Variants in DARS1 observed in about 807,000 individuals in gnomAD.
DARS1 encodes aspartyl-tRNA synthetase 1, also known as aspartate--tRNA ligase, cytoplasmic.
A neutral mutation model predicts 68.8 loss-of-function variants in DARS1; 51 were observed. The observed-to-expected ratio is 0.74, with a 90% CI of 0.59 to 0.94. The LOEUF is 0.94. Among genes scored for constraint, DARS1 ranks in the 40% least tolerant of loss-of-function variants. The pLI, the probability that DARS1 is intolerant of heterozygous loss-of-function variation, is 0.00. For synonymous variants in DARS1, 203 were observed against 190.4 expected, an observed-to-expected ratio of 1.07 and a Z score of -0.55; for missense variants, 607 against 597.3, an observed-to-expected ratio of 1.02 and a Z score of -0.17.
chr2:135,944,040 A>C (rs1181232341), intron 4 of DARS1, among the ~76,000 whole-genome samples: 1 of 152,066 alleles, frequency 6.6e-6, no homozygotes, highest in Non-Finnish European at 1.5e-5. Context: ...CCCATTTAAA[A>C]GGGTGCCTAT....
rs869183598 is a variant in DARS1, at chr2:135,907,238, C to CTTT, written c.*75_*77dup. ...AGGTTACTGAAAAGAATAAGTGTGG[C>CTTT]TTTCTTTTTTTTTTTTTTTTTTTGA... On this transcript the variant is annotated 3_prime_UTR_variant, in exon 16 of 16. Coordinates refer to ENST00000264161, the MANE Select transcript of DARS1 (RefSeq NM_001349.4). 4.0e-5 allele frequency: 29 copies of CTTT among 725,354 alleles called. 1 individual carries two copies. The highest frequency in any genetic ancestry group is 1.7e-4 in the South Asian group (8 of 47,074). 44.9% of individuals were successfully genotyped at this position (725,354 alleles called of 1,614,324 possible). A position where few individuals can be genotyped will look rare whatever the true frequency, so the allele number is the denominator to read the frequency against.
At chr2:135,979,896 T>G (rs892915292) in intron 2 of DARS1, among the ~76,000 whole-genome samples, 1 of 152,204 alleles carries the variant, frequency 6.6e-6, no homozygotes, top group African/African-American at 2.4e-5. Context: ...AATGCAAGTC[T>G]TTCTCTGGGA....
Position 135,914,511 on chromosome 2 carries a change from G to A in DARS1, c.1107C>T (p.Ser369=). Reference sequence around the variant, plus strand: ...GACCCAACAGCTTTTCATTTGGTGTGCTGAAAAAGAAACGTGAAATCAGTG... The same window carrying A: ...GACCCAACAGCTTTTCATTTGGTGTACTGAAAAAGAAACGTGAAATCAGTG... ...GVEMGDEDDL[S]TPNEKLLGHL... Residue 369 remains serine (S), a splice_region_variant and synonymous_variant, in exon 12 of 16, where the codon AGC becomes AGT. Coordinates refer to ENST00000264161, the MANE Select transcript of DARS1 (RefSeq NM_001349.4). The A allele has an allele frequency of 2.1e-6, 3 of 1,430,810 alleles. No individual in the cohort carries two copies. Among genetic ancestry groups the A allele is most frequent in the Non-Finnish European group, 2.0e-6 (2 of 1,012,754 alleles). The allele number at this position is 1,430,810 out of a possible 1,614,324, so 88.6% of individuals were successfully genotyped here.
intron 4 of DARS1, among the ~76,000 whole-genome samples, chr2:135,957,281 G>C (rs1380013797): frequency 6.6e-6 from 1 of 151,568 alleles, no homozygotes; most frequent in African/African-American, 2.4e-5. Flanking sequence ...AGGCTGGAGT[G>C]CAGTGGCACA....
At chr2:135,968,748 G>A (rs1682295964) in intron 3 of DARS1, among the ~76,000 whole-genome samples, 1 of 144,558 alleles carries the variant, frequency 6.9e-6, no homozygotes, top group South Asian at 2.2e-4. Flanking sequence ...TGCAACCTCC[G>A]CCTCCTGGGT....
Position 135,983,393 on chromosome 2 carries a change from TA to T in DARS1, c.124+3del. On this transcript the variant is annotated splice_donor_region_variant and intron_variant, in intron 2 of 15. Coordinates refer to ENST00000264161, the MANE Select transcript of DARS1 (RefSeq NM_001349.4). ...GCTTTATTTACTGTCACATAGCTACTAACCTGGTTTTTCTTGTGATTGTATC... is the reference window on the plus strand; with the variant it reads ...GCTTTATTTACTGTCACATAGCTACTACCTGGTTTTTCTTGTGATTGTATC... 2 of 1,021,164 alleles carry T rather than the reference TA, an allele frequency of 2.0e-6. No homozygotes were observed. Among genetic ancestry groups the T allele is most frequent in the Non-Finnish European group, 1.5e-6 (1 of 645,604 alleles). 63.3% of individuals were successfully genotyped at this position (1,021,164 alleles called of 1,614,324 possible). A position where few individuals can be genotyped will look rare whatever the true frequency, so the allele number is the denominator to read the frequency against.
At chr2:135,955,363 C>T (rs1681948164) in intron 4 of DARS1, among the ~76,000 whole-genome samples, 1 of 151,996 alleles carries the variant, frequency 6.6e-6, no homozygotes, top group Non-Finnish European at 1.5e-5. Flanking sequence ...GATAAATATA[C>T]TTACAGATCT....
rs370064817 is a variant in DARS1 at position 135,916,233 on chromosome 2, C to G, written c.1099G>C (p.Asp367His). Residue 367 changes from aspartate to histidine, a missense_variant, in exon 11 of 16, where the codon GAT (aspartate) becomes CAT (histidine). Transcript: ENST00000264161. ...AAAGCCACAAAGACAAACCTCAGAT[C>G]GTCTTCATCTCCCATTTCGACTCCA... ...EAGVEMGDED[D>H]LSTPNEKLLG... The G allele has an allele frequency of 6.3e-6, 10 of 1,580,462 alleles. No individual in the cohort carries two copies. The highest frequency in any genetic ancestry group is 7.8e-6 in the Non-Finnish European group (9 of 1,150,130).
At chr2:135,970,703 G>C (rs1469878373) in intron 3 of DARS1, among the ~76,000 whole-genome samples, 1 of 151,906 alleles carries the variant, frequency 6.6e-6, no homozygotes, top group Non-Finnish European at 1.5e-5. Context: ...AAAATGACAA[G>C]CTTTTAGCCA....
intron 4 of DARS1, among the ~76,000 whole-genome samples, chr2:135,947,208 C>A (rs1681744066): frequency 6.6e-6 from 1 of 152,126 alleles, no homozygotes; most frequent in Admixed American, 6.5e-5. Context: ...GAGTTTAAGA[C>A]CAGCGTGGCC....
At chr2:135,972,004 C>T (rs772910901) in intron 3 of DARS1, among the ~76,000 whole-genome samples, 35 of 152,042 alleles carry the variant, frequency 2.3e-4, no homozygotes, top group Non-Finnish European at 5.1e-4. Flanking sequence ...TTAAATACTA[C>T]TCAAAGTAAT....
chr2:135,965,334 T>C (rs1256749199), intron 3 of DARS1, among the ~76,000 whole-genome samples: 1 of 152,138 alleles, frequency 6.6e-6, no homozygotes, highest in Non-Finnish European at 1.5e-5. Flanking sequence ...TTAATCTTTT[T>C]AATACATAAG....
At chr2:135,914,757 T>C (rs886693896) in intron 11 of DARS1, 15 of 358,552 alleles carry the variant, frequency 4.2e-5, no homozygotes, top group Non-Finnish European at 7.2e-5. Flanking sequence ...AAACAGAATA[T>C]AGCAATTCAT....
At position 135,963,151 on chromosome 2, in the gene DARS1, G is replaced by C. The variant is rs910926040; in HGVS notation, c.218-1653C>G. Reference sequence around the variant, plus strand: ...CTAGGGGGTAACAATTAGTGTGTCTGGTAGAAAAAAAAGTAAAAGCTTTGA... The same window carrying C: ...CTAGGGGGTAACAATTAGTGTGTCTCGTAGAAAAAAAAGTAAAAGCTTTGA... On this transcript the variant is annotated intron_variant, in intron 3 of 15. Coordinates refer to ENST00000264161, the MANE Select transcript of DARS1 (RefSeq NM_001349.4). Among the ~76,000 whole-genome samples, 5 of 152,072 alleles carry C rather than the reference G, an allele frequency of 3.3e-5. No individual in the cohort carries two copies. In the East Asian group the frequency reaches 5.8e-4, roughly 18 times the overall value.
chr2:135,972,545 C>T (rs1395594719), intron 3 of DARS1, among the ~76,000 whole-genome samples: 1 of 152,134 alleles, frequency 6.6e-6, no homozygotes, highest in African/African-American at 2.4e-5. Flanking sequence ...ACTCCACAAG[C>T]ACAGGCAACT....
At chr2:135,972,004 C>A (rs772910901) in intron 3 of DARS1, among the ~76,000 whole-genome samples, 1 of 152,042 alleles carries the variant, frequency 6.6e-6, no homozygotes, top group Non-Finnish European at 1.5e-5. Flanking sequence ...TTAAATACTA[C>A]TCAAAGTAAT....
intron 9 of DARS1, 77 bp downstream of exon 9, chr2:135,922,707 A>AT: frequency 7.0e-7 from 1 of 1,424,184 alleles, no homozygotes; most frequent in Non-Finnish European, 9.2e-7. Context: ...TGTACATTAT[A>AT]TAAGTAAAAT....
At chr2:135,935,700 T>TA (rs1407243584) in intron 5 of DARS1, among the ~76,000 whole-genome samples, 1 of 152,240 alleles carries the variant, frequency 6.6e-6, no homozygotes, top group East Asian at 1.9e-4. Flanking sequence ...AAGACTGAAC[T>TA]AGAGTTTTTT....
chr2:135,913,725 T>A (rs1043478038), intron 12 of DARS1, among the ~76,000 whole-genome samples: 2 of 150,668 alleles, frequency 1.3e-5, no homozygotes, highest in Non-Finnish European at 3.0e-5. Context: ...GCCATTGCAC[T>A]CCAGCCTGGG....
Sources: allele counts gnomAD v4.1 joint callset (sites outside exome capture counted in the v4.1 genomes callset), GRCh38; gene constraint gnomAD v4.1.1; transcripts MANE v1.5; gene names NCBI Gene and HGNC (gene_info 2026-07-23, HGNC 2026-07-21).